Variants in KCNJ6 observed in about 807,000 individuals in gnomAD.
KCNJ6 encodes potassium inwardly rectifying channel subfamily J member 6, also known as G protein-activated inward rectifier potassium channel 2.
A neutral mutation model predicts 34.2 loss-of-function variants in KCNJ6; 9 were observed. The ratio of observed to expected loss-of-function variants is 0.26; its 90% CI spans 0.16 to 0.46. KCNJ6 has a LOEUF of 0.46. Among genes scored for constraint, KCNJ6 ranks in the 20% least tolerant of loss-of-function variants. KCNJ6 has a pLI of 1.00. For synonymous variants in KCNJ6, 196 were observed against 207.1 expected (o/e 0.95, Z 0.46); for missense variants, 236 against 531.3 (o/e 0.44, Z 5.46).
chr21:37,805,575 G>A (rs148546230), intron 2 of KCNJ6, among the ~76,000 whole-genome samples: 60 of 151,558 alleles, frequency 4.0e-4, no homozygotes, highest in African/African-American at 1.4e-3. Context: ...TCCCTGCTGT[G>A]TTCCCTTCTT....
intron 2 of KCNJ6, among the ~76,000 whole-genome samples, chr21:37,832,429 C>G (rs535166781): frequency 1.3e-5 from 2 of 152,032 alleles, no homozygotes; most frequent in Non-Finnish European, 2.9e-5. Context: ...AACTCCCAGC[C>G]CAGCTACAGG....
Position 37,733,502 on chromosome 21 carries a change from T to A in KCNJ6, c.26-18371A>T, listed in dbSNP as rs181811539. Among the ~76,000 whole-genome samples the A allele has an allele frequency of 3.3e-5, 5 of 152,378 alleles. No individual in the cohort carries two copies. In the East Asian group the frequency reaches 9.6e-4, roughly 29 times the overall value. On this transcript the variant is annotated intron_variant, in intron 2 of 3. Coordinates refer to ENST00000609713, the MANE Select transcript of KCNJ6 (RefSeq NM_002240.5). ...AGATAATCACTTGGTACCTGTTCTTTGGCCAGTGGCCAAACATCTCCGCAT... is the reference window on the plus strand; with the variant it reads ...AGATAATCACTTGGTACCTGTTCTTAGGCCAGTGGCCAAACATCTCCGCAT...
chr21:37,870,228 C>T lies in KCNJ6; in HGVS notation c.-27-29519G>A, dbSNP rs1229141821. 4.0e-5 allele frequency among the ~76,000 whole-genome samples: 6 copies of T among 150,190 alleles called. No homozygotes were observed. In the East Asian group the frequency reaches 1.2e-3, roughly 30 times the overall value. ...TTTCCCACCCACCCCCGCCCCCACC[C>T]CCCGGCCCCAGCCACCTGGCCTGCT... is the stretch of plus-strand genomic sequence containing the variant. On this transcript the variant is annotated intron_variant, in intron 1 of 3. Transcript: ENST00000609713.
rs2054269513 is a variant in KCNJ6, at chr21:37,616,700, T to C, written c.*8459A>G. On this transcript the variant is annotated 3_prime_UTR_variant, in exon 4 of 4. Coordinates refer to ENST00000609713, the MANE Select transcript of KCNJ6 (RefSeq NM_002240.5). The stretch of plus-strand genomic sequence containing the variant: ...GAATAGGACTAACCCCAATAATAGG[T>C]TGCTGGATTGTGGATGCTCAAAAAT... 6.7e-6 allele frequency: 1 copy of C among 148,518 alleles called. No homozygotes were observed. Among genetic ancestry groups the C allele is most frequent in the Non-Finnish European group, 1.5e-5 (1 of 67,314 alleles). The allele number at this position is 148,518 out of a possible 1,614,324, so 9.2% of individuals were successfully genotyped here. A position where few individuals can be genotyped will look rare whatever the true frequency, so the allele number is the denominator to read the frequency against.
Position 37,624,863 on chromosome 21 carries a change from G to A in KCNJ6, c.*296C>T. The stretch of plus-strand genomic sequence containing the variant: ...GATCTGGTATTGTACAACACATGCA[G>A]GTAAGTAACTGAAATCTCCAGGAGT... On this transcript the variant is annotated 3_prime_UTR_variant, in exon 4 of 4. Coordinates refer to ENST00000609713, the MANE Select transcript of KCNJ6 (RefSeq NM_002240.5). The A allele has an allele frequency of 2.3e-6, 1 of 427,346 alleles. No individual in the cohort carries two copies. The allele number at this position is 427,346 out of a possible 1,614,324, so 26.5% of individuals were successfully genotyped here.
rs1004166939 is a variant in KCNJ6, at chr21:37,620,334, G to A, written c.*4825C>T. ...GTTGTAATTACTCAGCTCTGTGAGT[G>A]CATGTGGAAGCAGCCATAGGCAATA... On this transcript the variant is annotated 3_prime_UTR_variant, in exon 4 of 4. Coordinates refer to ENST00000609713, the MANE Select transcript of KCNJ6 (RefSeq NM_002240.5). The A allele has an allele frequency of 1.3e-5, 2 of 152,166 alleles. No homozygotes were observed. Among genetic ancestry groups the A allele is most frequent in the Non-Finnish European group, 2.9e-5 (2 of 68,034 alleles). The allele number at this position is 152,166 out of a possible 1,614,324, so 9.4% of individuals were successfully genotyped here.
chr21:37,869,870 G>A (rs2055641507), intron 1 of KCNJ6, among the ~76,000 whole-genome samples: 1 of 152,216 alleles, frequency 6.6e-6, no homozygotes, highest in Non-Finnish European at 1.5e-5. Context: ...GTGAAGTCTG[G>A]GCTTTAGGAC....
chr21:37,805,344 G>A (rs2055288664), intron 2 of KCNJ6, among the ~76,000 whole-genome samples: 1 of 151,498 alleles, frequency 6.6e-6, no homozygotes, highest in Non-Finnish European at 1.5e-5. Context: ...AGGTGGTCCT[G>A]TCTTCTGCTT....
chr21:37,698,681 G>A (rs1369102015), intron 3 of KCNJ6, among the ~76,000 whole-genome samples: 19 of 149,388 alleles, frequency 1.3e-4, no homozygotes, highest in Non-Finnish European at 2.7e-4. Context: ...ACAAACGAGC[G>A]CCACCATGCC....
intron 1 of KCNJ6, among the ~76,000 whole-genome samples, chr21:37,851,248 T>C (rs1471283963): frequency 1.3e-5 from 2 of 152,146 alleles, no homozygotes; most frequent in Non-Finnish European, 2.9e-5. Flanking sequence ...TGCCACAGCA[T>C]TGTCAATAGG....
intron 2 of KCNJ6, among the ~76,000 whole-genome samples, chr21:37,825,797 C>T (rs2055396283): frequency 6.6e-6 from 1 of 152,154 alleles, no homozygotes; most frequent in African/African-American, 2.4e-5. Flanking sequence ...AAAGGCGTGT[C>T]CTACATTGAG....
chr21:37,815,132 T>G (rs2055340710), intron 2 of KCNJ6, among the ~76,000 whole-genome samples: 1 of 151,678 alleles, frequency 6.6e-6, no homozygotes, highest in Non-Finnish European at 1.5e-5. Flanking sequence ...AGTGGGAGGC[T>G]GGGGGGAGAT....
chr21:37,823,128 G>T (rs1330649983), intron 2 of KCNJ6, among the ~76,000 whole-genome samples: 1 of 152,032 alleles, frequency 6.6e-6, no homozygotes, highest in African/African-American at 2.4e-5. Flanking sequence ...TGGCAGGCAG[G>T]CCCCCAGCCC....
chr21:37,658,238 G>A (rs767533119), intron 3 of KCNJ6, among the ~76,000 whole-genome samples: 17 of 152,284 alleles, frequency 1.1e-4, no homozygotes, highest in Non-Finnish European at 2.1e-4. Context: ...CAGCAGGAAC[G>A]CACAGTGAAT....
chr21:37,840,762 T>G, intron 1 of KCNJ6, 53 bp from the exon 2 acceptor site: 1 of 953,928 alleles, frequency 1.0e-6, no homozygotes, highest in Non-Finnish European at 1.6e-6. Context: ...TAGATATGAA[T>G]TGATCTAATT....
intron 3 of KCNJ6, among the ~76,000 whole-genome samples, chr21:37,625,692 T>C (rs2054307739): frequency 6.6e-6 from 1 of 152,192 alleles, no homozygotes. Flanking sequence ...TGGGGAACAA[T>C]GAGAGAGTCC....
chr21:37,670,709 C>G (rs11700477), intron 3 of KCNJ6, among the ~76,000 whole-genome samples: 72,849 of 151,828 alleles, frequency 0.48, 18,279 homozygotes, highest in African/African-American at 0.64. Flanking sequence ...AGGCTGCAGT[C>G]ACCCAAGATC....
chr21:37,631,045 C>T (rs1340069184), intron 3 of KCNJ6, among the ~76,000 whole-genome samples: 1 of 152,174 alleles, frequency 6.6e-6, no homozygotes, highest in African/African-American at 2.4e-5. Context: ...CCTATCACAG[C>T]ACTTATCAGA....
intron 3 of KCNJ6, among the ~76,000 whole-genome samples, chr21:37,711,957 C>T (rs1029978313): frequency 1.3e-5 from 2 of 152,172 alleles, no homozygotes; most frequent in African/African-American, 2.4e-5. Context: ...TGCTCAGAGG[C>T]AAGTATCACT....
Sources: allele counts gnomAD v4.1 joint callset (sites outside exome capture counted in the v4.1 genomes callset), GRCh38; gene constraint gnomAD v4.1.1; transcripts MANE v1.5; gene names NCBI Gene and HGNC (gene_info 2026-07-23, HGNC 2026-07-21).